The following ARHGEF10 variants were observed in gnomAD, a reference collection of about 807,000 sequenced individuals.
ARHGEF10 encodes Rho guanine nucleotide exchange factor 10, also known as Rho guanine nucleotide exchange factor (GEF) 10.
A neutral mutation model predicts 147.4 loss-of-function variants in ARHGEF10; 140 were observed. The ratio of observed to expected loss-of-function variants is 0.95; its 90% CI spans 0.83 to 1.09. The LOEUF is 1.09. ARHGEF10 is among the 50% of genes least tolerant of loss of function. The pLI is 0.00. For synonymous variants in ARHGEF10, 902 were observed against 695.8 expected, an observed-to-expected ratio of 1.30 and a Z score of -4.67; for missense variants, 2,222 against 1,752.7, an observed-to-expected ratio of 1.27 and a Z score of -4.78.
chr8:1,901,314 C>T (rs1293180277), intron 15 of ARHGEF10, among the ~76,000 whole-genome samples: 1 of 152,112 alleles, frequency 6.6e-6, no homozygotes, highest in South Asian at 2.1e-4. Flanking sequence ...CTCCCAGTGA[C>T]TCTCCTGGTC....
chr8:1,888,207 G>GCA (rs1212269939), intron 11 of ARHGEF10, among the ~76,000 whole-genome samples: 2 of 82,604 alleles, frequency 2.4e-5, no homozygotes, highest in Admixed American at 1.0e-4. Flanking sequence ...GAGACACTTA[G>GCA]TGGGGCGAGG....
chr8:1,870,182 T>TGTTCTGAA (rs960555205), intron 7 of ARHGEF10: 10 of 151,002 alleles, frequency 6.6e-5, no homozygotes, highest in Non-Finnish European at 1.0e-4. Context: ...TCATGCCGTG[T>TGTTCTGAA]GTTCTGAAGT....
chr8:1,897,882 G>A (rs1384597061), intron 14 of ARHGEF10, among the ~76,000 whole-genome samples: 2 of 152,170 alleles, frequency 1.3e-5, no homozygotes, highest in African/African-American at 4.8e-5. Flanking sequence ...GCCCCAAAGA[G>A]TCGGGTGCCC....
At chr8:1,841,872 G>T (rs868172779) in intron 1 of ARHGEF10, among the ~76,000 whole-genome samples, 1 of 107,070 alleles carries the variant, frequency 9.3e-6, no homozygotes. Context: ...TGGGGCCGCG[G>T]CGGGAACTGG....
chr8:1,841,003 C>A (rs756683007), intron 1 of ARHGEF10, among the ~76,000 whole-genome samples: 1 of 152,200 alleles, frequency 6.6e-6, no homozygotes. Flanking sequence ...CCAGGTGGAG[C>A]GATGACCTCA....
chr8:1,923,896 C>T, intron 21 of ARHGEF10, 22 bp downstream of exon 21: 6 of 1,607,446 alleles, frequency 3.7e-6, no homozygotes, highest in Non-Finnish European at 5.1e-6. Flanking sequence ...CTGGCTGAGG[C>T]TGAATGAGGC....
chr8:1,932,978 A>T (rs1813273861), intron 25 of ARHGEF10, among the ~76,000 whole-genome samples: 1 of 152,232 alleles, frequency 6.6e-6, no homozygotes, highest in Admixed American at 6.5e-5. Context: ...TATTTATAGG[A>T]TAATTACATT....
At chr8:1,859,350 C>A (rs1303705508) in intron 3 of ARHGEF10, among the ~76,000 whole-genome samples, 2 of 143,284 alleles carry the variant, frequency 1.4e-5, no homozygotes, top group Non-Finnish European at 3.1e-5. Flanking sequence ...TAGCACCAGC[C>A]TCTCGGTTGT....
At chr8:1,883,529 G>A (rs1343274552) in intron 10 of ARHGEF10, among the ~76,000 whole-genome samples, 1 of 152,136 alleles carries the variant, frequency 6.6e-6, no homozygotes, top group Non-Finnish European at 1.5e-5. Context: ...CTCAAGGAAC[G>A]GCCTCGGATA....
chr8:1,932,429 TGTG>T (rs1489202229), intron 25 of ARHGEF10, among the ~76,000 whole-genome samples: 2 of 152,002 alleles, frequency 1.3e-5, no homozygotes, highest in East Asian at 3.9e-4. Context: ...TGCACGTACT[TGTG>T]GGTGTGTGTG....
intron 25 of ARHGEF10, among the ~76,000 whole-genome samples, chr8:1,929,806 C>G (rs1812976929): frequency 1.3e-5 from 2 of 152,320 alleles, no homozygotes; most frequent in African/African-American, 4.8e-5. Flanking sequence ...TGTACCTGGG[C>G]CAGCCCTCTT....
At position 1,860,007 on chromosome 8, in the gene ARHGEF10, G is replaced by C; in HGVS notation, c.304G>C (p.Glu102Gln). The C allele has an allele frequency of 1.9e-6, 3 of 1,614,012 alleles. No individual in the cohort carries two copies. Among genetic ancestry groups the C allele is most frequent in the Non-Finnish European group, 2.5e-6 (3 of 1,180,008 alleles). Reference sequence around the variant, plus strand: ...TGTCATCGACATCACGCCATTCCAGGAGGACCAGCCGCCCACCCCCGTGCC... The same window carrying C: ...TGTCATCGACATCACGCCATTCCAGCAGGACCAGCCGCCCACCCCCGTGCC... ...YSVIDITPFQ[E>Q]DQPPTPVPSA... The change falls in exon 4 of 29, where the codon GAG becomes CAG. Residue 102 changes from glutamate (E) to glutamine (Q), a missense_variant. Physicochemically the swap from Glu to Gln is conservative, Grantham distance 29. Transcript: ENST00000349830.
chr8:1,870,612 A>C (rs1042216816), intron 7 of ARHGEF10: 1 of 152,230 alleles, frequency 6.6e-6, no homozygotes, highest in African/African-American at 2.4e-5. Flanking sequence ...CAGTATAACT[A>C]TAATAATACA....
rs1263286176 is a variant in ARHGEF10, at chr8:1,923,053, A to T, written c.2233A>T (p.Ile745Leu). ...TGTAATTGGCCAAATCACTCAGCTGATAGGAAACCTTAAAGGAAACTATCA... is the reference window on the plus strand; with the variant it reads ...TGTAATTGGCCAAATCACTCAGCTGTTAGGAAACCTTAAAGGAAACTATCA... ...LNVIGQITQL[I>L]GNLKGNYQNL... The change falls in exon 19 of 29, where the codon ATA (isoleucine) becomes TTA (leucine). Residue 745 changes from isoleucine (I) to leucine (L), a missense_variant. Coordinates refer to ENST00000349830, the MANE Select transcript of ARHGEF10 (RefSeq NM_014629.4). 3 of 1,612,498 alleles carry T rather than the reference A, an allele frequency of 1.9e-6. No individual in the cohort carries two copies. The highest frequency in any genetic ancestry group is 1.1e-5 in the South Asian group (1 of 91,028).
In ARHGEF10 at chr8:1,893,595, A is replaced by C. The variant is rs532728993; in HGVS notation, c.1209A>C (p.Ser403=). ...QQVVRRYILG[S]VVDSEKNYVD... Reference sequence around the variant, plus strand: ...TTGTAAGAAGATATATACTGGGTTCAGTTGTCGACAGTGAAAAGAACTACG... The same window carrying C: ...TTGTAAGAAGATATATACTGGGTTCCGTTGTCGACAGTGAAAAGAACTACG... The change falls in exon 12 of 29, where the codon TCA becomes TCC. Residue 403 remains serine (S), a synonymous_variant. Transcript: ENST00000349830. The C allele has an allele frequency of 8.1e-6, 13 of 1,613,730 alleles. No homozygotes were observed. The highest frequency in any genetic ancestry group is 1.1e-5 in the Non-Finnish European group (13 of 1,179,726).
chr8:1,909,254 A>C (rs1014343079), intron 17 of ARHGEF10, 41 bp from the exon 18 acceptor site: 6 of 1,613,524 alleles, frequency 3.7e-6, no homozygotes, highest in Non-Finnish European at 5.1e-6. Flanking sequence ...TAACGTGTTC[A>C]TGTAATTATT....
intron 1 of ARHGEF10, among the ~76,000 whole-genome samples, chr8:1,824,519 A>T (rs1323145780): frequency 6.6e-6 from 1 of 151,736 alleles, no homozygotes; most frequent in Non-Finnish European, 1.5e-5. Context: ...GGACCGGTGT[A>T]AGGAAAGCCG....
At chr8:1,956,693 T>G in intron 28 of ARHGEF10, 56 bp from the exon 29 acceptor site, 1 of 1,610,754 alleles carries the variant, frequency 6.2e-7, no homozygotes, top group Non-Finnish European at 8.5e-7. Context: ...TTTTGCTTCC[T>G]TGTCTCAAAT....
chr8:1,861,825 C>T (rs1376285180), intron 4 of ARHGEF10, among the ~76,000 whole-genome samples: 1 of 152,084 alleles, frequency 6.6e-6, no homozygotes, highest in Non-Finnish European at 1.5e-5. Context: ...GAAATGAGGG[C>T]GTGCAGAGTG....
Sources: allele counts gnomAD v4.1 joint callset (sites outside exome capture counted in the v4.1 genomes callset), GRCh38; gene constraint gnomAD v4.1.1; transcripts MANE v1.5; gene names NCBI Gene and HGNC (gene_info 2026-07-23, HGNC 2026-07-21).